SNX9: variants seen among roughly 807,000 people sequenced by gnomAD.
The protein encoded by SNX9 is sorting nexin-9.
SNX9 carries 44 observed loss-of-function variants against 89.4 expected under a neutral mutation model. The observed-to-expected ratio is 0.49, with a 90% CI of 0.39 to 0.63. The LOEUF (loss-of-function observed/expected upper bound fraction) is 0.63, where lower values mean the gene tolerates loss of function less well. Ranked by LOEUF, SNX9 falls within the 30% of genes least tolerant of loss-of-function variation. SNX9 has a pLI of 0.00. For missense variants in SNX9, 578 were observed against 736.1 expected (o/e 0.79, Z 2.49); for synonymous variants, 236 against 247.8 (o/e 0.95, Z 0.45).
chr6:157,838,404 C>G (rs1330563706), intron 1 of SNX9, among the ~76,000 whole-genome samples: 1 of 151,876 alleles, frequency 6.6e-6, no homozygotes, highest in Non-Finnish European at 1.5e-5. Flanking sequence ...AGAGAATTTA[C>G]AGTCTAATGG....
At chr6:157,928,245 G>A (rs1343789781) in intron 11 of SNX9, among the ~76,000 whole-genome samples, 1 of 152,106 alleles carries the variant, frequency 6.6e-6, no homozygotes, top group African/African-American at 2.4e-5. Context: ...GGAATGAATG[G>A]CCAGCTAGCA....
At chr6:157,922,176 G>A (rs1022740006) in intron 10 of SNX9, among the ~76,000 whole-genome samples, 1 of 152,212 alleles carries the variant, frequency 6.6e-6, no homozygotes, top group Non-Finnish European at 1.5e-5. Flanking sequence ...CCTGTGGCCT[G>A]TAGTCTGCCA....
chr6:157,835,362 A>G (rs563364575), intron 1 of SNX9, among the ~76,000 whole-genome samples: 12 of 151,484 alleles, frequency 7.9e-5, no homozygotes, highest in African/African-American at 2.7e-4. Flanking sequence ...TTCAATTACT[A>G]TATAATGACC....
chr6:157,837,272 A>G (rs1178552070), intron 1 of SNX9, among the ~76,000 whole-genome samples: 1 of 152,218 alleles, frequency 6.6e-6, no homozygotes, highest in Non-Finnish European at 1.5e-5. Context: ...ATCTCACATT[A>G]CCATGGAGGC....
At chr6:157,894,106 C>CT (rs746909411) in intron 4 of SNX9, among the ~76,000 whole-genome samples, 2,361 of 89,500 alleles carry the variant, frequency 0.026, 99 homozygotes, top group East Asian at 0.047. Context: ...CTTTTCTTTT[C>CT]TTTTTTTTTT....
At chr6:157,832,518 C>G (rs1398502569) in intron 1 of SNX9, among the ~76,000 whole-genome samples, 4 of 152,190 alleles carry the variant, frequency 2.6e-5, no homozygotes, top group Non-Finnish European at 5.9e-5. Context: ...AGTCTGTTCT[C>G]ATGCTGCTAT....
chr6:157,914,265 T>A (rs1783411571), intron 9 of SNX9, among the ~76,000 whole-genome samples: 1 of 152,114 alleles, frequency 6.6e-6, no homozygotes, highest in East Asian at 1.9e-4. Flanking sequence ...CATCTCTTCA[T>A]GTGCTTATTT....
chr6:157,918,121 G>C (rs761428979), intron 9 of SNX9, among the ~76,000 whole-genome samples: 7 of 152,128 alleles, frequency 4.6e-5, no homozygotes, highest in Non-Finnish European at 1.0e-4. Context: ...ATTCATGTCA[G>C]TTAGGCTGGG....
intron 3 of SNX9, chr6:157,874,154 T>C (rs1289621236): frequency 6.6e-6 from 1 of 152,266 alleles, no homozygotes; most frequent in Admixed American, 6.5e-5. Context: ...GTCCTTCTGT[T>C]GTTGATAGAC....
intron 4 of SNX9, 183 bp downstream of exon 4, chr6:157,875,359 T>A: frequency 2.5e-6 from 2 of 798,432 alleles, no homozygotes; most frequent in South Asian, 5.9e-5. Context: ...AGCCTGATAA[T>A]GACTGTTTGC....
At chr6:157,900,435 A>G (rs1444485568) in intron 5 of SNX9, among the ~76,000 whole-genome samples, 1 of 152,230 alleles carries the variant, frequency 6.6e-6, no homozygotes, top group African/African-American at 2.4e-5. Context: ...GCAGCCCGCA[A>G]TGCAACGGGG....
chr6:157,923,228 A>G (rs7739959), intron 10 of SNX9, among the ~76,000 whole-genome samples: 1,686 of 152,332 alleles, frequency 0.011, 12 homozygotes, highest in Non-Finnish European at 0.016. Flanking sequence ...CCTTTGGGCC[A>G]GAATTTCCTC....
intron 1 of SNX9, among the ~76,000 whole-genome samples, chr6:157,849,898 GA>G (rs1456068000): frequency 6.6e-6 from 1 of 152,214 alleles, no homozygotes; most frequent in Non-Finnish European, 1.5e-5. Flanking sequence ...ACCTCAGGAG[GA>G]AAGATCTAAG....
At chr6:157,909,127 C>T (rs1783281258) in intron 7 of SNX9, among the ~76,000 whole-genome samples, 1 of 152,082 alleles carries the variant, frequency 6.6e-6, no homozygotes, top group South Asian at 2.1e-4. Context: ...TTTCTATGAG[C>T]CAGAACAATG....
At chr6:157,901,395 A>C (rs1313653841) in intron 5 of SNX9, among the ~76,000 whole-genome samples, 2 of 152,110 alleles carry the variant, frequency 1.3e-5, no homozygotes, top group Non-Finnish European at 2.9e-5. Context: ...TTGGTGTAAT[A>C]CTCAAAAAAA....
chr6:157,823,518 G>A lies in SNX9; in HGVS notation c.12+72G>A. The A allele has an allele frequency of 9.6e-6, 11 of 1,145,272 alleles. No homozygotes were observed. Among genetic ancestry groups the A allele is most frequent in the South Asian group, 8.6e-5 (2 of 23,256 alleles). The allele number at this position is 1,145,272 out of a possible 1,614,324, so 70.9% of individuals were successfully genotyped here. A position where few individuals can be genotyped will look rare whatever the true frequency, so the allele number is the denominator to read the frequency against. On this transcript the variant is annotated intron_variant, in intron 1 of 17. Transcript: ENST00000392185. The surrounding 1 kb of genome is among the most constrained non-coding windows in gnomAD (Gnocchi z 4.6). ...CGGCGCGGAGAGGGTCGGGGCCGGG[G>A]CCGCGGGGAGGGTCGGGGCCAGGGG...
At chr6:157,861,878 A>G (rs1782131950) in intron 1 of SNX9, among the ~76,000 whole-genome samples, 1 of 152,208 alleles carries the variant, frequency 6.6e-6, no homozygotes. Context: ...CAGGGTCATT[A>G]TTAAGTAAAA....
chr6:157,933,430 G>C (rs1200655092), intron 13 of SNX9, among the ~76,000 whole-genome samples: 2 of 152,204 alleles, frequency 1.3e-5, no homozygotes, highest in Non-Finnish European at 2.9e-5. Context: ...TTGGATGTCG[G>C]TTTCTGAATA....
At chr6:157,869,575 T>C (rs73792154) in intron 2 of SNX9, among the ~76,000 whole-genome samples, 3,864 of 152,274 alleles carry the variant, frequency 0.025, 174 homozygotes, top group African/African-American at 0.089. Flanking sequence ...CTCTCCACCC[T>C]GCGCTTCCTG....
Sources: gnomAD v4.1 joint callset for allele counts (sites outside exome capture counted in the v4.1 genomes callset) on GRCh38, gnomAD v4.1.1 for gene constraint, Gnocchi (gnomAD v3.1) non-coding constraint, MANE v1.5 for transcripts, NCBI Gene and HGNC (gene_info 2026-07-23, HGNC 2026-07-21) for gene names.